Variants in POU2F3 observed in about 807,000 individuals in gnomAD.
The protein encoded by POU2F3 is POU class 2 homeobox 3.
Under a neutral mutation model 59.2 loss-of-function variants are expected in POU2F3, and 23 were observed. The ratio of observed to expected loss-of-function variants is 0.39; its 90% CI spans 0.28 to 0.55. POU2F3 has a LOEUF of 0.55. Among genes scored for constraint, POU2F3 ranks in the 20% least tolerant of loss-of-function variants. The pLI, the probability that POU2F3 is intolerant of heterozygous loss-of-function variation, is 0.66. For synonymous variants in POU2F3, 190 were observed against 214.6 expected (o/e 0.89, Z 1.00); for missense variants, 473 against 544.5 (o/e 0.87, Z 1.31).
Position 120,305,655 on chromosome 11 carries a change from G to A in POU2F3, c.639G>A (p.Gly213=), listed in dbSNP as rs749323966. ...GTCCCCACGCTTAGGGAGATGTGGG[G>A]CTGGCGATGGGAAAGCTGTATGGCA... ...IKLGFTQGDV[G]LAMGKLYGND... is the part of the protein sequence containing the mutation. The change falls in exon 8 of 13, where the codon GGG becomes GGA. Residue 213 remains glycine (G), a synonymous_variant. Coordinates refer to ENST00000543440, the MANE Select transcript of POU2F3 (RefSeq NM_014352.4). The A allele has an allele frequency of 3.1e-6, 5 of 1,613,904 alleles. No individual in the cohort carries two copies. Among genetic ancestry groups the A allele is most frequent in the South Asian group, 1.1e-5 (1 of 91,064 alleles).
chr11:120,266,312 C>A (rs1236487960), intron 2 of POU2F3, among the ~76,000 whole-genome samples: 1 of 152,108 alleles, frequency 6.6e-6, no homozygotes, highest in Non-Finnish European at 1.5e-5. Context: ...CTGCTCACTG[C>A]ATCCACTGCC....
intron 1 of POU2F3, among the ~76,000 whole-genome samples, chr11:120,244,073 T>C (rs1053706224): frequency 1.3e-5 from 2 of 152,180 alleles, no homozygotes; most frequent in Non-Finnish European, 2.9e-5. Context: ...AGAATTACCT[T>C]CTTAAATTTC....
intron 2 of POU2F3, among the ~76,000 whole-genome samples, chr11:120,267,935 T>C (rs1939904193): frequency 6.6e-6 from 1 of 152,040 alleles, no homozygotes; most frequent in Non-Finnish European, 1.5e-5. Context: ...AGGAAGGTTG[T>C]GCGGCAGCTC....
chr11:120,298,155 C>T (rs1941242561), intron 3 of POU2F3, 110 bp from the exon 4 acceptor site: 1 of 1,358,836 alleles, frequency 7.4e-7, no homozygotes, highest in Non-Finnish European at 1.0e-6. Flanking sequence ...GGCTAGCTCT[C>T]TCCTCTCTAG....
intron 2 of POU2F3, among the ~76,000 whole-genome samples, chr11:120,253,924 G>A (rs528493692): frequency 1.3e-5 from 2 of 152,324 alleles, no homozygotes; most frequent in East Asian, 3.9e-4. Context: ...GACCCAGCAG[G>A]AGAGGGAGGT....
intron 2 of POU2F3, among the ~76,000 whole-genome samples, chr11:120,263,117 G>A (rs988977846): frequency 1.3e-5 from 2 of 151,944 alleles, no homozygotes; most frequent in African/African-American, 4.8e-5. Flanking sequence ...TCAGCATCCT[G>A]AGTAGCTGAG....
At chr11:120,264,399 T>G (rs1308701477) in intron 2 of POU2F3, among the ~76,000 whole-genome samples, 1 of 152,224 alleles carries the variant, frequency 6.6e-6, no homozygotes, top group Non-Finnish European at 1.5e-5. Context: ...GAATGAATGA[T>G]GCAGAAACAC....
chr11:120,248,134 T>C (rs1938945854), intron 2 of POU2F3, among the ~76,000 whole-genome samples: 1 of 152,154 alleles, frequency 6.6e-6, no homozygotes, highest in African/African-American at 2.4e-5. Context: ...ATATATAAAG[T>C]AGGTTAAGAG....
At chr11:120,251,439 A>T (rs1284077605) in intron 2 of POU2F3, among the ~76,000 whole-genome samples, 1 of 152,244 alleles carries the variant, frequency 6.6e-6, no homozygotes, top group Admixed American at 6.5e-5. Context: ...TCCTGCATGC[A>T]CTTGTGCCCA....
chr11:120,289,580 C>G (rs1940948177), intron 3 of POU2F3, among the ~76,000 whole-genome samples: 1 of 152,192 alleles, frequency 6.6e-6, no homozygotes, highest in African/African-American at 2.4e-5. Context: ...CCTACAGCAG[C>G]AGTCCCAAAT....
At chr11:120,247,000 T>C (rs953857105) in intron 2 of POU2F3, among the ~76,000 whole-genome samples, 9 of 152,140 alleles carry the variant, frequency 5.9e-5, no homozygotes, top group African/African-American at 2.2e-4. Context: ...GTGACTTTGC[T>C]TTGGAAAGAA....
intron 2 of POU2F3, among the ~76,000 whole-genome samples, chr11:120,255,687 C>A (rs1939311203): frequency 6.6e-6 from 1 of 152,072 alleles, no homozygotes; most frequent in Non-Finnish European, 1.5e-5. Context: ...CCCTGGAGAG[C>A]TGGGGGTGGT....
intron 3 of POU2F3, among the ~76,000 whole-genome samples, chr11:120,280,521 G>T (rs1940518870): frequency 6.6e-6 from 1 of 152,140 alleles, no homozygotes; most frequent in African/African-American, 2.4e-5. Flanking sequence ...GCTCAGAGAG[G>T]TTAAGTAACT....
chr11:120,263,662 T>G (rs958362839), intron 2 of POU2F3, among the ~76,000 whole-genome samples: 7 of 152,234 alleles, frequency 4.6e-5, no homozygotes, highest in Admixed American at 3.3e-4. Context: ...TTGTCCTGGT[T>G]CAGGTTCTCT....
chr11:120,305,031 C>A lies in POU2F3; in HGVS notation c.446C>A (p.Ala149Glu). Residue 149 changes from alanine (A) to glutamate (E), a missense_variant and splice_region_variant, in exon 7 of 13, where the codon GCA becomes GAA. Transcript: ENST00000543440. ...PQTGPGLASQ[A>E]FGHPGLPGSS... ...TCTGCTTGGCGTGTTTCCTATCAGG[C>A]ATTTGGGCACCCTGGGCTGCCAGGA... 1 of 1,599,706 alleles carries A rather than the reference C, an allele frequency of 6.3e-7. No homozygotes were observed. Among genetic ancestry groups the A allele is most frequent in the Non-Finnish European group, 8.5e-7 (1 of 1,172,880 alleles).
intron 5 of POU2F3, among the ~76,000 whole-genome samples, chr11:120,300,232 A>C (rs1941309442): frequency 6.6e-6 from 1 of 152,234 alleles, no homozygotes; most frequent in Non-Finnish European, 1.5e-5. Flanking sequence ...CTCCCTGGCC[A>C]AGAGCAAATA....
chr11:120,251,419 C>G (rs1031132412), intron 2 of POU2F3, among the ~76,000 whole-genome samples: 1 of 152,250 alleles, frequency 6.6e-6, no homozygotes, highest in Non-Finnish European at 1.5e-5. Context: ...TTTCACAGTC[C>G]ATCATTAAGT....
rs540613914 is a variant in POU2F3, at chr11:120,246,634, A to T, written c.97+117A>T. 170 of 1,041,522 alleles carry T rather than the reference A, an allele frequency of 1.6e-4. No homozygotes were observed. The African/African-American group carries it at 2.0e-3, about 12-fold the overall frequency. The allele number at this position is 1,041,522 out of a possible 1,614,324, so 64.5% of individuals were successfully genotyped here. On this transcript the variant is annotated intron_variant, in intron 2 of 12. Coordinates refer to ENST00000543440, the MANE Select transcript of POU2F3 (RefSeq NM_014352.4). ...TTTCAGCCAACCAGACCCCAAAGCT[A>T]GGTCTTAGGAACTAAGGGAATTCCC...
intron 6 of POU2F3, chr11:120,304,330 C>CAAAAAAAAAAAAAAAAAA (rs768088081): frequency 8.3e-6 from 1 of 120,532 alleles, no homozygotes; most frequent in Admixed American, 8.5e-5. Flanking sequence ...GATCCTGATT[C>CAAAAAAAAAAAAAAAAAA]AAAAAAAAAA....
Sources: allele counts gnomAD v4.1 joint callset (sites outside exome capture counted in the v4.1 genomes callset), GRCh38; gene constraint gnomAD v4.1.1; transcripts MANE v1.5; gene names NCBI Gene and HGNC (gene_info 2026-07-23, HGNC 2026-07-21).